Variants in CRISPLD1 observed in about 807,000 individuals in gnomAD.
CRISPLD1 encodes cysteine rich secretory protein LCCL domain containing 1.
CRISPLD1 carries 60 observed loss-of-function variants against 77.5 expected under a neutral mutation model. That is an observed-to-expected ratio of 0.77 (90% CI 0.63 to 0.96). The LOEUF (loss-of-function observed/expected upper bound fraction) is 0.96. Among genes scored for constraint, CRISPLD1 ranks in the 40% least tolerant of loss-of-function variants. The probability of loss-of-function intolerance (pLI) is 0.00; values close to 1 mark genes in which losing one functional copy is unlikely to be tolerated. For missense variants in CRISPLD1, 623 were observed against 615.8 expected, an observed-to-expected ratio of 1.01 and a Z score of -0.12; for synonymous variants, 195 against 200.1, an observed-to-expected ratio of 0.97 and a Z score of 0.22.
intron 12 of CRISPLD1, among the ~76,000 whole-genome samples, chr8:75,024,961 A>G (rs931822320): frequency 5.3e-5 from 8 of 152,130 alleles, no homozygotes; most frequent in African/African-American, 1.9e-4. Context: ...TGGGAACTAG[A>G]GAAGGAGATT....
At chr8:75,022,402 C>T (rs143360479) in intron 12 of CRISPLD1, among the ~76,000 whole-genome samples, 211 of 151,820 alleles carry the variant, frequency 1.4e-3, no homozygotes, top group African/African-American at 4.8e-3. Context: ...CTGGCTAACA[C>T]GATGATACCC....
intron 6 of CRISPLD1, among the ~76,000 whole-genome samples, chr8:75,015,564 T>C (rs1813013298): frequency 6.6e-6 from 1 of 152,220 alleles, no homozygotes; most frequent in African/African-American, 2.4e-5. Flanking sequence ...GTGAACATTT[T>C]TTACTGCCTT....
intron 14 of CRISPLD1, among the ~76,000 whole-genome samples, chr8:75,030,211 C>G (rs1813309596): frequency 6.6e-6 from 1 of 152,048 alleles, no homozygotes; most frequent in Non-Finnish European, 1.5e-5. Flanking sequence ...CTGGATTCTT[C>G]AAAATTGCTA....
intron 12 of CRISPLD1, among the ~76,000 whole-genome samples, chr8:75,022,597 A>G (rs1813156747): frequency 6.6e-6 from 1 of 151,570 alleles, no homozygotes; most frequent in South Asian, 2.1e-4. Flanking sequence ...CAGAAAAAAA[A>G]AAAAAAAAGA....
chr8:75,018,784 G>A (rs1024775160), intron 10 of CRISPLD1, among the ~76,000 whole-genome samples: 5 of 151,874 alleles, frequency 3.3e-5, no homozygotes, highest in African/African-American at 1.2e-4. Context: ...TAGAGATGGG[G>A]TTTCATCAGG....
chr8:75,014,085 G>A lies in CRISPLD1; in HGVS notation c.609G>A (p.Val203=). ...GQIWPKAVYL[V]CNYSPKGNWW... ...TATGGCCCAAAGCTGTCTACCTGGTGTGCAATTACTCCCCAAAGTGAGTAG... is the reference window on the plus strand; with the variant it reads ...TATGGCCCAAAGCTGTCTACCTGGTATGCAATTACTCCCCAAAGTGAGTAG... The change falls in exon 5 of 15, where the codon GTG becomes GTA. Residue 203 remains valine (V), a synonymous_variant. Transcript: ENST00000262207. 6.2e-7 allele frequency: 1 copy of A among 1,609,906 alleles called. No individual in the cohort carries two copies.
chr8:75,032,267 TA>T lies in CRISPLD1; in HGVS notation c.*28del. The T allele has an allele frequency of 6.5e-7, 1 of 1,549,396 alleles. No individual in the cohort carries two copies. Among genetic ancestry groups the T allele is most frequent in the Non-Finnish European group, 8.9e-7 (1 of 1,126,280 alleles). On this transcript the variant is annotated 3_prime_UTR_variant, in exon 15 of 15. Coordinates refer to ENST00000262207, the MANE Select transcript of CRISPLD1 (RefSeq NM_031461.6). ...AAACTGAATACTTGGAAGAGGACCATAAAGACTATTCCAAATGCAATATTTC... is the reference window on the plus strand; with the variant it reads ...AAACTGAATACTTGGAAGAGGACCATAAGACTATTCCAAATGCAATATTTC...
intron 2 of CRISPLD1, among the ~76,000 whole-genome samples, chr8:74,989,558 G>A (rs1054766428): frequency 1.5e-4 from 22 of 147,738 alleles, no homozygotes; most frequent in Non-Finnish European, 2.4e-4. Context: ...TTTTTTATTT[G>A]AAAAATGTCT....
At chr8:75,027,649 A>C (rs1298723981) in intron 13 of CRISPLD1, among the ~76,000 whole-genome samples, 1 of 152,164 alleles carries the variant, frequency 6.6e-6, no homozygotes, top group African/African-American at 2.4e-5. Context: ...GCAAGTATGA[A>C]ATCAGAGATC....
intron 10 of CRISPLD1, among the ~76,000 whole-genome samples, chr8:75,018,954 A>G (rs868693621): frequency 6.6e-6 from 1 of 152,242 alleles, no homozygotes; most frequent in African/African-American, 2.4e-5. Flanking sequence ...ATTACTTTCA[A>G]TAAGTAATAA....
intron 14 of CRISPLD1, among the ~76,000 whole-genome samples, chr8:75,031,556 G>C (rs1813346516): frequency 6.9e-6 from 1 of 144,118 alleles, no homozygotes; most frequent in Non-Finnish European, 1.5e-5. Flanking sequence ...TTCAAAATGA[G>C]ATTGAATGCT....
chr8:74,998,685 C>CAAA (rs368258595), intron 2 of CRISPLD1, among the ~76,000 whole-genome samples: 3,790 of 50,824 alleles, frequency 0.075, 395 homozygotes, highest in South Asian at 0.1. Context: ...GACTCCATCT[C>CAAA]AAAAAAAAAA....
intron 2 of CRISPLD1, among the ~76,000 whole-genome samples, chr8:75,006,516 T>C (rs1342562460): frequency 6.6e-6 from 1 of 152,110 alleles, no homozygotes; most frequent in Non-Finnish European, 1.5e-5. Context: ...CTTCATCCAG[T>C]TTGGTGAAAG....
chr8:75,001,201 AT>A (rs756783781), intron 2 of CRISPLD1, among the ~76,000 whole-genome samples: 17 of 152,178 alleles, frequency 1.1e-4, no homozygotes, highest in Non-Finnish European at 4.4e-5. Flanking sequence ...ATAAAACAAA[AT>A]TTTGTGTTTT....
chr8:74,988,909 A>G (rs1812533384), intron 2 of CRISPLD1, among the ~76,000 whole-genome samples: 1 of 152,216 alleles, frequency 6.6e-6, no homozygotes, highest in Non-Finnish European at 1.5e-5. Context: ...GAATAAAGAA[A>G]TAGACTCATT....
At chr8:75,014,672 C>T (rs1812994668) in intron 5 of CRISPLD1, 140 bp from the exon 6 acceptor site, 1 of 521,272 alleles carries the variant, frequency 1.9e-6, no homozygotes, top group Non-Finnish European at 3.3e-6. Context: ...ACCAGAAGGG[C>T]TCTATAATAA....
chr8:75,025,691 T>G, intron 13 of CRISPLD1, 70 bp downstream of exon 13: 1 of 809,330 alleles, frequency 1.2e-6, no homozygotes, highest in Non-Finnish European at 2.1e-6. Flanking sequence ...CATTTAAATG[T>G]GTATATGTAC....
At chr8:75,022,572 A>G (rs1012229000) in intron 12 of CRISPLD1, among the ~76,000 whole-genome samples, 2 of 150,078 alleles carry the variant, frequency 1.3e-5, no homozygotes, top group African/African-American at 4.9e-5. Flanking sequence ...TGGGCGAAAG[A>G]GCGAGACTCT....
intron 12 of CRISPLD1, among the ~76,000 whole-genome samples, chr8:75,025,273 G>C (rs1469306748): frequency 6.6e-6 from 1 of 152,118 alleles, no homozygotes; most frequent in East Asian, 1.9e-4. Flanking sequence ...GATACATTGA[G>C]ATGCTTTCTG....
Sources: gnomAD v4.1 joint callset for allele counts (sites outside exome capture counted in the v4.1 genomes callset) on GRCh38, gnomAD v4.1.1 for gene constraint, MANE v1.5 for transcripts, NCBI Gene and HGNC (gene_info 2026-07-23, HGNC 2026-07-21) for gene names.